The following DDR2 variants were observed in gnomAD, a reference collection of about 807,000 sequenced individuals.
DDR2 encodes discoidin domain receptor tyrosine kinase 2, also known as discoidin domain-containing receptor 2.
In DDR2, 27 loss-of-function variants were observed where a neutral mutation model predicts 94.9. The ratio of observed to expected loss-of-function variants is 0.28; its 90% confidence interval spans 0.21 to 0.39. DDR2 has a LOEUF of 0.39. Ranked by LOEUF, DDR2 falls within the 10% of genes least tolerant of loss-of-function variation. DDR2 has a pLI of 1.00. For synonymous variants in DDR2, 382 were observed against 377.2 expected, an observed-to-expected ratio of 1.01 and a Z score of -0.15; for missense variants, 783 against 1,076.0, an observed-to-expected ratio of 0.73 and a Z score of 3.81.
intron 2 of DDR2, among the ~76,000 whole-genome samples, chr1:162,702,966 A>G (rs1660495488): frequency 6.6e-6 from 1 of 152,106 alleles, no homozygotes; most frequent in Non-Finnish European, 1.5e-5. Flanking sequence ...TTTATCACCT[A>G]GCATATTTTC....
At chr1:162,680,079 C>A (rs1659331350) in intron 2 of DDR2, among the ~76,000 whole-genome samples, 1 of 152,020 alleles carries the variant, frequency 6.6e-6, no homozygotes, top group Non-Finnish European at 1.5e-5. Context: ...ATATTTTCTC[C>A]CATTCTGTAG....
intron 3 of DDR2, among the ~76,000 whole-genome samples, chr1:162,743,249 G>T (rs530359512): frequency 9.4e-4 from 143 of 152,106 alleles, no homozygotes; most frequent in Middle Eastern, 3.4e-3. Flanking sequence ...GGGCCCTCTT[G>T]CCTTCAGTTC....
intron 3 of DDR2, among the ~76,000 whole-genome samples, chr1:162,727,787 T>C (rs1366409939): frequency 2.0e-5 from 3 of 147,832 alleles, no homozygotes; most frequent in African/African-American, 7.4e-5. Flanking sequence ...ACTCATCACC[T>C]CCCACTTAGG....
intron 3 of DDR2, among the ~76,000 whole-genome samples, chr1:162,749,667 T>C (rs1003559732): frequency 6.6e-6 from 1 of 152,194 alleles, no homozygotes; most frequent in Non-Finnish European, 1.5e-5. Flanking sequence ...AAGGCCAGCA[T>C]CATCCTGAAA....
intron 2 of DDR2, among the ~76,000 whole-genome samples, chr1:162,684,919 T>C (rs1409002447): frequency 6.6e-6 from 1 of 151,840 alleles, no homozygotes; most frequent in African/African-American, 2.4e-5. Flanking sequence ...AAATCTGCAC[T>C]TTAAAAAGCA....
chr1:162,767,463 T>G lies in DDR2; in HGVS notation c.1293+104T>G. The G allele has an allele frequency of 2.0e-6, 3 of 1,501,630 alleles. No individual in the cohort carries two copies. The South Asian group carries it at 3.6e-5, about 18-fold the overall frequency. 93.0% of individuals were successfully genotyped at this position (1,501,630 alleles called of 1,614,324 possible). A position where few individuals can be genotyped will look rare whatever the true frequency, so the allele number is the denominator to read the frequency against. On this transcript the variant is annotated intron_variant, in intron 11 of 17. Transcript: ENST00000367921. ...GCAAATTGCAAACATTTATTAATGGTTGGAATTAACTGAGGCTACCAAGAA... is the reference window on the plus strand; with the variant it reads ...GCAAATTGCAAACATTTATTAATGGGTGGAATTAACTGAGGCTACCAAGAA...
chr1:162,711,848 A>T (rs951812788), intron 2 of DDR2, among the ~76,000 whole-genome samples: 1 of 152,158 alleles, frequency 6.6e-6, no homozygotes, highest in Non-Finnish European at 1.5e-5. Context: ...ACATGTACGT[A>T]TATACATATA....
chr1:162,656,574 C>T (rs564010202), intron 2 of DDR2, among the ~76,000 whole-genome samples: 1 of 151,996 alleles, frequency 6.6e-6, no homozygotes, highest in South Asian at 2.1e-4. Context: ...CCCTCCCTTT[C>T]TTCCTTCCTC....
chr1:162,684,055 G>A (rs1639501129), intron 2 of DDR2, among the ~76,000 whole-genome samples: 1 of 152,132 alleles, frequency 6.6e-6, no homozygotes, highest in Admixed American at 6.6e-5. Context: ...TCAAAGGAAT[G>A]CAATAAAGAA....
intron 1 of DDR2, among the ~76,000 whole-genome samples, chr1:162,644,946 A>G (rs1657334690): frequency 6.6e-6 from 1 of 152,166 alleles, no homozygotes; most frequent in African/African-American, 2.4e-5. Flanking sequence ...TGTAGAGTAA[A>G]TGGTGTCTCA....
intron 3 of DDR2, among the ~76,000 whole-genome samples, chr1:162,719,380 G>A (rs1364444927): frequency 6.6e-6 from 1 of 152,114 alleles, no homozygotes; most frequent in African/African-American, 2.4e-5. Flanking sequence ...TAGAGTAGGG[G>A]TGCAGTAAGA....
At chr1:162,634,671 CTG>C (rs1656728737) in intron 1 of DDR2, among the ~76,000 whole-genome samples, 1 of 152,224 alleles carries the variant, frequency 6.6e-6, no homozygotes, top group Non-Finnish European at 1.5e-5. Context: ...GTCTTAAATT[CTG>C]TCTCTTAAAT....
At chr1:162,679,181 T>C (rs560917858) in intron 2 of DDR2, among the ~76,000 whole-genome samples, 1 of 151,996 alleles carries the variant, frequency 6.6e-6, no homozygotes, top group Admixed American at 6.6e-5. Context: ...TTTTTTCTGA[T>C]TCTCTCCCTC....
chr1:162,685,380 A>C (rs1174140263), intron 2 of DDR2, among the ~76,000 whole-genome samples: 1 of 152,210 alleles, frequency 6.6e-6, no homozygotes, highest in Non-Finnish European at 1.5e-5. Context: ...CAATACTCCT[A>C]ACATTATGTA....
chr1:162,659,626 C>T (rs1340497420), intron 2 of DDR2, among the ~76,000 whole-genome samples: 10 of 152,164 alleles, frequency 6.6e-5, no homozygotes, highest in Non-Finnish European at 2.9e-5. Flanking sequence ...GGATTCAGCA[C>T]GTGCGTTTTA....
At chr1:162,721,744 G>A (rs1304133529) in intron 3 of DDR2, among the ~76,000 whole-genome samples, 1 of 152,134 alleles carries the variant, frequency 6.6e-6, no homozygotes, top group Non-Finnish European at 1.5e-5. Context: ...CCCACAGAAT[G>A]GCCACATGAT....
intron 2 of DDR2, among the ~76,000 whole-genome samples, chr1:162,678,820 G>A (rs1360053414): frequency 6.6e-6 from 1 of 152,218 alleles, no homozygotes; most frequent in Non-Finnish European, 1.5e-5. Flanking sequence ...ACTCCAGGCT[G>A]GACTTGGTGA....
intron 2 of DDR2, among the ~76,000 whole-genome samples, chr1:162,709,146 G>T (rs536554769): frequency 6.6e-6 from 1 of 152,200 alleles, no homozygotes; most frequent in Non-Finnish European, 1.5e-5. Flanking sequence ...TGAGAGGTGG[G>T]AGACAGGACT....
At chr1:162,690,840 A>C (rs1483447666) in intron 2 of DDR2, among the ~76,000 whole-genome samples, 2 of 152,230 alleles carry the variant, frequency 1.3e-5, no homozygotes, top group African/African-American at 4.8e-5. Context: ...TCTTTCGGTT[A>C]AGAATCATGG....
Sources: allele counts gnomAD v4.1 joint callset (sites outside exome capture counted in the v4.1 genomes callset), GRCh38; gene constraint gnomAD v4.1.1; transcripts MANE v1.5; gene names NCBI Gene and HGNC (gene_info 2026-07-23, HGNC 2026-07-21).